The following ABLIM2 variants were observed in gnomAD, a reference collection of about 807,000 sequenced individuals.
ABLIM2 encodes actin binding LIM protein family member 2.
Under a neutral mutation model 97.7 loss-of-function variants are expected in ABLIM2, and 53 were observed. The ratio of observed to expected loss-of-function variants is 0.54; its 90% CI spans 0.44 to 0.68. The LOEUF is 0.68. Among genes scored for constraint, ABLIM2 ranks in the 30% least tolerant of loss-of-function variants. The pLI, the probability that ABLIM2 is intolerant of heterozygous loss-of-function variation, is 0.00. For synonymous variants in ABLIM2, 361 were observed against 345.8 expected, an observed-to-expected ratio of 1.04 and a Z score of -0.49; for missense variants, 835 against 867.2, an observed-to-expected ratio of 0.96 and a Z score of 0.47.
chr4:8,084,664 CA>C (rs2152481324), intron 4 of ABLIM2, among the ~76,000 whole-genome samples: 1 of 152,328 alleles, frequency 6.6e-6, no homozygotes, highest in Non-Finnish European at 1.5e-5. Context: ...GCTAAAGAGC[CA>C]GGGGCGGCCA....
rs114752773 is a variant in ABLIM2 at position 8,002,527 on chromosome 4, C to T, written c.1618+5532G>A. ...ACAGAAAATGCAACATCTCCTGTCA[C>T]GCTCGTGTCGTGCTGACGTTCCCCT... On this transcript the variant is annotated intron_variant, in intron 16 of 20. Transcript: ENST00000447017. This position sits in a 1 kb window ranked among gnomAD's most constrained non-coding sequence, Gnocchi z 6.1. Among the ~76,000 whole-genome samples, 348 of 152,324 alleles carry T rather than the reference C, an allele frequency of 2.3e-3. No homozygotes were observed. Among genetic ancestry groups the T allele is most frequent in the Non-Finnish European group, 4.0e-3 (275 of 68,034 alleles).
intron 3 of ABLIM2, among the ~76,000 whole-genome samples, chr4:8,092,622 A>G (rs1468629847): frequency 6.6e-6 from 1 of 152,142 alleles, no homozygotes; most frequent in African/African-American, 2.4e-5. Flanking sequence ...TATCTGCCTC[A>G]TGGTCCTCCT....
In ABLIM2 at chr4:8,147,375, G is replaced by A. The variant is rs1851978732; in HGVS notation, c.10+11305C>T. Among the ~76,000 whole-genome samples, 2 of 152,218 alleles carry A rather than the reference G, an allele frequency of 1.3e-5. No homozygotes were observed. Among genetic ancestry groups the A allele is most frequent in the South Asian group, 4.1e-4 (2 of 4,828 alleles). On this transcript the variant is annotated intron_variant, in intron 1 of 20. Transcript: ENST00000447017. The surrounding 1 kb of genome is among the most constrained non-coding windows in gnomAD (Gnocchi z 5.3). ...ACCAAGAGACTACCTGTGCCCGGCT[G>A]AGTAATGCCTCCCCCAGAAGATATC...
chr4:8,079,229 T>A (rs1818199882), intron 5 of ABLIM2, among the ~76,000 whole-genome samples: 1 of 152,230 alleles, frequency 6.6e-6, no homozygotes, highest in African/African-American at 2.4e-5. Flanking sequence ...ACCTCAGGAC[T>A]CCCGTAATAA....
intron 12 of ABLIM2, among the ~76,000 whole-genome samples, chr4:8,026,408 T>G (rs531850929): frequency 6.6e-6 from 1 of 152,332 alleles, no homozygotes; most frequent in East Asian, 1.9e-4. Context: ...GAACTCTCAG[T>G]AGGCCACGGG....
At chr4:8,158,637 G>A (rs1479399753) in intron 1 of ABLIM2, 43 bp downstream of exon 1, 1 of 1,505,490 alleles carries the variant, frequency 6.6e-7, no homozygotes, top group South Asian at 1.2e-5. Context: ...GGCGCCGCGA[G>A]CCAGCGCGGG....
chr4:8,055,389 T>C (rs962991177), intron 7 of ABLIM2, among the ~76,000 whole-genome samples: 2 of 148,552 alleles, frequency 1.3e-5, no homozygotes, highest in Non-Finnish European at 3.0e-5. Context: ...GGGCTGGCAC[T>C]GCACTCACAC....
In ABLIM2 at chr4:7,965,676, C is replaced by A. The variant is rs753700147; in HGVS notation, c.*1314G>T. On this transcript the variant is annotated 3_prime_UTR_variant, in exon 21 of 21. Coordinates refer to ENST00000447017, the MANE Select transcript of ABLIM2 (RefSeq NM_001130083.2). ...GCATCCTGTGACGGCCGGTGCTGCACCCTAACACACACCTAATGACAGACA... is the reference window on the plus strand; with the variant it reads ...GCATCCTGTGACGGCCGGTGCTGCAACCTAACACACACCTAATGACAGACA... 6.6e-6 allele frequency: 1 copy of A among 152,204 alleles called. No homozygotes were observed. The highest frequency in any genetic ancestry group is 2.4e-5 in the African/African-American group (1 of 41,432). 9.4% of individuals were successfully genotyped at this position (152,204 alleles called of 1,614,324 possible).
At chr4:8,105,738 A>C (rs1561447550) in intron 2 of ABLIM2, among the ~76,000 whole-genome samples, 1 of 152,156 alleles carries the variant, frequency 6.6e-6, no homozygotes, top group Non-Finnish European at 1.5e-5. Flanking sequence ...ATTCCTTTAA[A>C]ACTGCAAACT....
At position 8,058,265 on chromosome 4, in the gene ABLIM2, C is replaced by T. The variant is rs574409277; in HGVS notation, c.763+2702G>A. Among the ~76,000 whole-genome samples the T allele has an allele frequency of 6.6e-6, 1 of 152,372 alleles. No individual in the cohort carries two copies. The highest frequency in any genetic ancestry group is 1.5e-5 in the Non-Finnish European group (1 of 68,042). ...CAGCCTGGCACTGCTGGGACGGTCC[C>T]AAAGGACCCTTTGACGGGCTCTCGA... On this transcript the variant is annotated intron_variant, in intron 7 of 20. Coordinates refer to ENST00000447017, the MANE Select transcript of ABLIM2 (RefSeq NM_001130083.2). This position sits in a 1 kb window ranked among gnomAD's most constrained non-coding sequence, Gnocchi z 4.2.
intron 1 of ABLIM2, among the ~76,000 whole-genome samples, chr4:8,154,464 T>C (rs1714556525): frequency 6.6e-6 from 1 of 150,616 alleles, no homozygotes; most frequent in Non-Finnish European, 1.5e-5. Context: ...GTATTTTTAG[T>C]AGAGATGGGG....
intron 1 of ABLIM2, among the ~76,000 whole-genome samples, chr4:8,136,181 G>A (rs6821100): frequency 0.14 from 21,390 of 152,170 alleles, 1,985 homozygotes; most frequent in African/African-American, 0.26. Flanking sequence ...AGGACACCAT[G>A]CCCAGTCCCA....
At chr4:8,154,821 G>A (rs1714731483) in intron 1 of ABLIM2, among the ~76,000 whole-genome samples, 1 of 152,188 alleles carries the variant, frequency 6.6e-6, no homozygotes, top group African/African-American at 2.4e-5. Flanking sequence ...CCCAGGACTG[G>A]GTAATTTGTA....
At chr4:8,006,778 A>T (rs560533949) in intron 16 of ABLIM2, among the ~76,000 whole-genome samples, 4 of 152,276 alleles carry the variant, frequency 2.6e-5, no homozygotes, top group African/African-American at 7.2e-5. Context: ...GACCAGCCCC[A>T]TAGCCCCCTT....
At chr4:7,989,280 T>C (rs1404513154) in intron 17 of ABLIM2, 8 of 344,828 alleles carry the variant, frequency 2.3e-5, no homozygotes, top group Non-Finnish European at 3.3e-5. Flanking sequence ...GGTTTCACCA[T>C]GTTGGCCAGG....
chr4:8,020,069 G>A, intron 13 of ABLIM2, 133 bp downstream of exon 13: 2 of 743,742 alleles, frequency 2.7e-6, no homozygotes. Flanking sequence ...CTCAGTGCCT[G>A]GGGAGCAGTG....
chr4:8,039,815 A>G (rs1309350360), intron 9 of ABLIM2, among the ~76,000 whole-genome samples: 1 of 151,562 alleles, frequency 6.6e-6, no homozygotes, highest in Non-Finnish European at 1.5e-5. Context: ...AAGCATCGGC[A>G]GGGCCACTGT....
At chr4:8,156,296 G>A (rs1007845799) in intron 1 of ABLIM2, among the ~76,000 whole-genome samples, 4 of 150,116 alleles carry the variant, frequency 2.7e-5, no homozygotes, top group Non-Finnish European at 4.4e-5. Context: ...CACACTGATT[G>A]TCACTTGCTG....
chr4:8,132,746 G>A lies in ABLIM2; in HGVS notation c.10+25934C>T, dbSNP rs1201894152. ...CAGAGCCCTGGGACCTGGGCCCAGC[G>A]ACTGAACCTCTTAGAGCCTCAGTTT... is the stretch of plus-strand genomic sequence containing the variant. On this transcript the variant is annotated intron_variant, in intron 1 of 20. Coordinates refer to ENST00000447017, the MANE Select transcript of ABLIM2 (RefSeq NM_001130083.2). This position sits in a 1 kb window ranked among gnomAD's most constrained non-coding sequence, Gnocchi z 8.0. 2.6e-5 allele frequency among the ~76,000 whole-genome samples: 4 copies of A among 152,322 alleles called. No individual in the cohort carries two copies. The highest frequency in any genetic ancestry group is 3.4e-3 in the Middle Eastern group (1 of 294).
Sources: gnomAD v4.1 joint callset for allele counts (sites outside exome capture counted in the v4.1 genomes callset) on GRCh38, gnomAD v4.1.1 for gene constraint, Gnocchi (gnomAD v3.1) non-coding constraint, MANE v1.5 for transcripts, NCBI Gene and HGNC (gene_info 2026-07-23, HGNC 2026-07-21) for gene names.